The following ADORA2B variants were observed in gnomAD, a reference collection of about 807,000 sequenced individuals.
The protein encoded by ADORA2B is adenosine A2b receptor, also known as adenosine receptor A2b.
ADORA2B carries 18 observed loss-of-function variants against 20.8 expected under a neutral mutation model. The observed-to-expected ratio is 0.87, with a 90% CI of 0.60 to 1.29. The LOEUF (loss-of-function observed/expected upper bound fraction) is 1.29. Among genes scored for constraint, ADORA2B ranks in the 50% most tolerant of loss-of-function variants. ADORA2B has a pLI of 0.00. For synonymous variants in ADORA2B, 179 were observed against 178.3 expected, an observed-to-expected ratio of 1.00 and a Z score of -0.03; for missense variants, 441 against 422.7, an observed-to-expected ratio of 1.04 and a Z score of -0.38.
At chr17:15,883,968 T>C in the ADORA2B span, among the ~76,000 whole-genome samples, 3 of 152,236 alleles carry the variant, frequency 2.0e-5, no homozygotes, top group African/African-American at 7.2e-5. Flanking sequence ...CATTTGGTCT[T>C]GACCACAATC....
At chr17:15,907,723 G>A in the ADORA2B span, among the ~76,000 whole-genome samples, 3 of 152,142 alleles carry the variant, frequency 2.0e-5, no homozygotes, top group Admixed American at 2.0e-4. Context: ...TAAAATAAAT[G>A]GTTGCATTCG....
the ADORA2B span, among the ~76,000 whole-genome samples, chr17:15,900,983 G>T: frequency 1.3e-5 from 2 of 152,176 alleles, no homozygotes; most frequent in Non-Finnish European, 2.9e-5. Flanking sequence ...CCCCAGGACT[G>T]CCATGTCTGT....
At chr17:15,962,926 A>G (rs112692244) in intron 1 of ADORA2B, among the ~76,000 whole-genome samples, 2 of 152,206 alleles carry the variant, frequency 1.3e-5, no homozygotes, top group Admixed American at 6.5e-5. Context: ...ATATTTTGGC[A>G]TAGAAAGGTA....
chr17:15,854,738 A>G, the ADORA2B span, among the ~76,000 whole-genome samples: 2 of 152,188 alleles, frequency 1.3e-5, no homozygotes, highest in African/African-American at 4.8e-5. Flanking sequence ...AAACCTCACA[A>G]TGGCCCTCCT....
chr17:15,907,765 C>T, the ADORA2B span, among the ~76,000 whole-genome samples: 5 of 152,184 alleles, frequency 3.3e-5, no homozygotes, highest in African/African-American at 1.2e-4. Context: ...GATAATCCCA[C>T]TCTTAGTAAT....
intron 1 of ADORA2B, among the ~76,000 whole-genome samples, chr17:15,952,866 C>A (rs1362427558): frequency 6.6e-6 from 1 of 152,226 alleles, no homozygotes; most frequent in Non-Finnish European, 1.5e-5. Flanking sequence ...GTTATTCTCT[C>A]CTAAATTATT....
At chr17:15,899,148 TGAA>T in the ADORA2B span, among the ~76,000 whole-genome samples, 6 of 151,898 alleles carry the variant, frequency 4.0e-5, no homozygotes, top group Non-Finnish European at 8.8e-5. Context: ...GAGAATCACT[TGAA>T]CCTGGGAGGC....
chr17:15,973,437 T>C (rs1970211315), intron 1 of ADORA2B, among the ~76,000 whole-genome samples: 1 of 152,228 alleles, frequency 6.6e-6, no homozygotes, highest in Non-Finnish European at 1.5e-5. Flanking sequence ...CACTGATGTA[T>C]CTCAAGCACT....
At chr17:15,911,679 AT>A in the ADORA2B span, among the ~76,000 whole-genome samples, 1 of 152,198 alleles carries the variant, frequency 6.6e-6, no homozygotes, top group African/African-American at 2.4e-5. Flanking sequence ...TGTGCAACTT[AT>A]TTTTATAACT....
At chr17:15,896,852 C>A in the ADORA2B span, among the ~76,000 whole-genome samples, 87 of 152,304 alleles carry the variant, frequency 5.7e-4, no homozygotes, top group Non-Finnish European at 1.0e-3. Flanking sequence ...AAGTAAAAGG[C>A]TCCCCAGGTT....
the ADORA2B span, among the ~76,000 whole-genome samples, chr17:15,871,934 A>C: frequency 6.6e-6 from 1 of 152,080 alleles, no homozygotes; most frequent in South Asian, 2.1e-4. Flanking sequence ...TGGGCTTTTT[A>C]TTGAGCCTTA....
At chr17:15,877,558 ATCAG>A in the ADORA2B span, among the ~76,000 whole-genome samples, 1 of 151,952 alleles carries the variant, frequency 6.6e-6, no homozygotes, top group South Asian at 2.1e-4. Flanking sequence ...GGATTATGGG[ATCAG>A]TCAGAGAAGA....
intron 1 of ADORA2B, among the ~76,000 whole-genome samples, chr17:15,952,459 G>A (rs947750071): frequency 3.3e-5 from 5 of 152,224 alleles, no homozygotes; most frequent in East Asian, 1.9e-4. Context: ...AGGGTCACAC[G>A]GAAGCCGGGA....
the ADORA2B span, among the ~76,000 whole-genome samples, chr17:15,886,013 C>G: frequency 6.6e-6 from 1 of 152,182 alleles, no homozygotes; most frequent in Admixed American, 6.5e-5. Flanking sequence ...CAGTTGGTTC[C>G]TGGAAACTGC....
At chr17:15,890,061 G>A in the ADORA2B span, among the ~76,000 whole-genome samples, 5 of 129,486 alleles carry the variant, frequency 3.9e-5, 2 homozygotes, top group African/African-American at 1.6e-4. Flanking sequence ...GGGTCAAATC[G>A]TATTTTCATT....
the ADORA2B span, among the ~76,000 whole-genome samples, chr17:15,885,265 T>G: frequency 6.6e-6 from 1 of 152,236 alleles, no homozygotes; most frequent in Non-Finnish European, 1.5e-5. Flanking sequence ...TTAAAGGGGT[T>G]GTTTTCTTCT....
the ADORA2B span, among the ~76,000 whole-genome samples, chr17:15,867,642 A>G: frequency 0.076 from 10,863 of 143,226 alleles, 1,463 homozygotes; most frequent in African/African-American, 0.27. Context: ...CCCGCCGCCC[A>G]GCCAGCCGCC....
rs375886973 is a variant in ADORA2B, at chr17:15,950,770, C to T, written c.335+5187C>T. Among the ~76,000 whole-genome samples, 795 of 152,310 alleles carry T rather than the reference C, an allele frequency of 5.2e-3. 15 individuals carry two copies. The highest frequency in any genetic ancestry group is 0.031 in the South Asian group (149 of 4,818). Reference sequence around the variant, plus strand: ...ACCCTAGCCTGAGGCTGTGCATGGTCGGCCTTCACCCCCCAATTCTCACTC... The same window carrying T: ...ACCCTAGCCTGAGGCTGTGCATGGTTGGCCTTCACCCCCCAATTCTCACTC... On this transcript the variant is annotated intron_variant, in intron 1 of 1. Transcript: ENST00000304222.
the ADORA2B span, among the ~76,000 whole-genome samples, chr17:15,917,725 G>A: frequency 1.3e-5 from 2 of 152,236 alleles, no homozygotes; most frequent in South Asian, 2.1e-4. Context: ...CCCCTGCCTA[G>A]CCTGGCCCAT....
Sources: allele counts gnomAD v4.1 joint callset (sites outside exome capture counted in the v4.1 genomes callset), GRCh38; gene constraint gnomAD v4.1.1; transcripts MANE v1.5; gene names NCBI Gene and HGNC (gene_info 2026-07-23, HGNC 2026-07-21).